MMD2: variants seen among roughly 807,000 people sequenced by gnomAD.
MMD2 encodes monocyte to macrophage differentiation associated 2, also known as monocyte to macrophage differentiation factor 2.
Under a neutral mutation model 33.5 loss-of-function variants are expected in MMD2, and 30 were observed. The ratio of observed to expected loss-of-function variants is 0.90; its 90% CI spans 0.67 to 1.22. MMD2 has a LOEUF of 1.22. Ranked by LOEUF, MMD2 falls within the 50% of genes most tolerant of loss-of-function variation. The pLI, the probability that MMD2 is intolerant of heterozygous loss-of-function variation, is 0.00. For missense variants in MMD2, 364 were observed against 325.4 expected, an observed-to-expected ratio of 1.12 and a Z score of -0.91; for synonymous variants, 129 against 123.0, an observed-to-expected ratio of 1.05 and a Z score of -0.32.
At chr7:4,953,246 C>G (rs529729930) in intron 1 of MMD2, among the ~76,000 whole-genome samples, 1 of 151,598 alleles carries the variant, frequency 6.6e-6, no homozygotes, top group African/African-American at 2.4e-5. Context: ...AATGTGAGCT[C>G]CAGGAGGGCA....
intron 1 of MMD2, among the ~76,000 whole-genome samples, chr7:4,936,466 A>C (rs1368087670): frequency 6.6e-6 from 1 of 152,074 alleles, no homozygotes; most frequent in African/African-American, 2.4e-5. Context: ...GGAGATAAAG[A>C]GTCTTTCATT....
chr7:4,916,315 G>T (rs558310716), intron 3 of MMD2, among the ~76,000 whole-genome samples: 1 of 152,014 alleles, frequency 6.6e-6, no homozygotes, highest in African/African-American at 2.4e-5. Flanking sequence ...TTGCCTCGGG[G>T]GTCCCACTGA....
At chr7:4,893,184 A>C in the MMD2 span, among the ~76,000 whole-genome samples, 1 of 151,962 alleles carries the variant, frequency 6.6e-6, no homozygotes, top group Admixed American at 6.6e-5. Flanking sequence ...CAAAAGTGGT[A>C]CCAGAAAGGT....
intron 1 of MMD2, among the ~76,000 whole-genome samples, chr7:4,957,386 T>C: frequency 6.6e-6 from 1 of 150,914 alleles, no homozygotes; most frequent in Non-Finnish European, 1.5e-5. Context: ...CGGTGGGTCA[T>C]GCCTGTAATC....
chr7:4,925,349 G>A, intron 2 of MMD2, 102 bp downstream of exon 2: 2 of 926,216 alleles, frequency 2.2e-6, no homozygotes, highest in Non-Finnish European at 1.6e-6. Flanking sequence ...AAGACCCGAG[G>A]AACAGGCCAC....
chr7:4,916,127 A>G, intron 3 of MMD2, 48 bp from the exon 4 acceptor site: 1 of 1,559,220 alleles, frequency 6.4e-7, no homozygotes, highest in Admixed American at 1.7e-5. Context: ...ACAGCAGGGA[A>G]GGGCCAGTGC....
chr7:4,894,330 T>C, the MMD2 span, among the ~76,000 whole-genome samples: 2 of 152,228 alleles, frequency 1.3e-5, no homozygotes, highest in Admixed American at 1.3e-4. This position sits in a 1 kb window ranked among gnomAD's most constrained non-coding sequence, Gnocchi z 4.3. Context: ...ATTAAGCCTG[T>C]CTTTTCAGTT....
downstream of MMD2, among the ~76,000 whole-genome samples, chr7:4,904,982 C>A (rs1364424768): frequency 6.6e-6 from 1 of 152,170 alleles, no homozygotes; most frequent in Non-Finnish European, 1.5e-5. Flanking sequence ...CTGAACTGGA[C>A]TTTGAAGGAT....
At chr7:4,935,928 C>A (rs144736217) in intron 1 of MMD2, among the ~76,000 whole-genome samples, 64 of 152,000 alleles carry the variant, frequency 4.2e-4, no homozygotes, top group African/African-American at 1.5e-3. Context: ...CTCATGCCTG[C>A]AATCCCAGCA....
chr7:4,939,494 G>C (rs941027413), intron 1 of MMD2, among the ~76,000 whole-genome samples: 1 of 152,078 alleles, frequency 6.6e-6, no homozygotes, highest in Non-Finnish European at 1.5e-5. Context: ...AGTGAGCTAT[G>C]ATCATGTCAC....
intron 1 of MMD2, among the ~76,000 whole-genome samples, chr7:4,931,910 G>A (rs1015875170): frequency 1.2e-4 from 18 of 152,240 alleles, no homozygotes; most frequent in African/African-American, 4.1e-4. Context: ...CCCTCCAGGA[G>A]GCCGGGCCAA....
At chr7:4,894,393 G>A in the MMD2 span, among the ~76,000 whole-genome samples, 1 of 152,160 alleles carries the variant, frequency 6.6e-6, no homozygotes, top group Non-Finnish European at 1.5e-5. The surrounding 1 kb of genome is among the most constrained non-coding windows in gnomAD (Gnocchi z 4.3). Flanking sequence ...TTCTGATCCT[G>A]GAGGGACTAC....
rs1453670606 is a variant in MMD2 at position 4,940,097 on chromosome 7, T to C, written c.48-14565A>G. The stretch of plus-strand genomic sequence containing the variant: ...CAGCGCAGGTCTGTTGAAGGTCCGA[T>C]GACGCCAGGAGAGTGGCTGCCCTTG... On this transcript the variant is annotated intron_variant, in intron 1 of 6. Coordinates refer to ENST00000401401, the MANE Select transcript of MMD2 (RefSeq NM_198403.4). The surrounding 1 kb of genome is among the most constrained non-coding windows in gnomAD (Gnocchi z 5.0). Among the ~76,000 whole-genome samples, 1 of 152,166 alleles carries C rather than the reference T, an allele frequency of 6.6e-6. No individual in the cohort carries two copies.
In MMD2 at chr7:4,909,962, A is replaced by G. The variant is rs370446952; in HGVS notation, c.468-12T>C. On this transcript the variant is annotated splice_polypyrimidine_tract_variant and intron_variant, in intron 5 of 6. Coordinates refer to ENST00000401401, the MANE Select transcript of MMD2 (RefSeq NM_198403.4). ...CCACAAGCTTGTACCTGGCAGGAAGACAAGCCGTGCCGGCCTTAGGACATG... is the reference window on the plus strand; with the variant it reads ...CCACAAGCTTGTACCTGGCAGGAAGGCAAGCCGTGCCGGCCTTAGGACATG... The G allele has an allele frequency of 3.5e-5, 56 of 1,613,932 alleles. No homozygotes were observed. The African/African-American group carries it at 6.5e-4, about 19-fold the overall frequency.
intron 1 of MMD2, among the ~76,000 whole-genome samples, chr7:4,936,633 T>A (rs1283380256): frequency 6.6e-6 from 1 of 152,108 alleles, no homozygotes; most frequent in East Asian, 1.9e-4. Flanking sequence ...GCTAAAGCAA[T>A]CCTCCTGCCT....
chr7:4,904,579 T>C (rs1784836710), downstream of MMD2, among the ~76,000 whole-genome samples: 2 of 152,166 alleles, frequency 1.3e-5, no homozygotes, highest in Admixed American at 6.5e-5. Flanking sequence ...CCTGAAATCA[T>C]GTGATCTTTA....
At chr7:4,942,681 C>T (rs985634023) in intron 1 of MMD2, among the ~76,000 whole-genome samples, 7 of 151,690 alleles carry the variant, frequency 4.6e-5, no homozygotes, top group African/African-American at 9.7e-5. Context: ...GGTGCTATCT[C>T]GGCTCATTGC....
At chr7:4,941,165 AC>A (rs1417968604) in intron 1 of MMD2, among the ~76,000 whole-genome samples, 2 of 152,118 alleles carry the variant, frequency 1.3e-5, no homozygotes, top group Admixed American at 1.3e-4. Flanking sequence ...TGCCACAGAC[AC>A]CAGCCCTAAC....
At chr7:4,917,552 C>T (rs561843271) in intron 3 of MMD2, among the ~76,000 whole-genome samples, 3 of 151,830 alleles carry the variant, frequency 2.0e-5, no homozygotes, top group East Asian at 1.9e-4. Flanking sequence ...ATTAGCCGGG[C>T]GTGGTGGTGG....
Sources: gnomAD v4.1 joint callset for allele counts (sites outside exome capture counted in the v4.1 genomes callset) on GRCh38, gnomAD v4.1.1 for gene constraint, Gnocchi (gnomAD v3.1) non-coding constraint, MANE v1.5 for transcripts, NCBI Gene and HGNC (gene_info 2026-07-23, HGNC 2026-07-21) for gene names.